Variants in PRKN observed in about 807,000 individuals in gnomAD.
The protein encoded by PRKN is E3 ubiquitin-protein ligase parkin.
In PRKN, 56 loss-of-function variants were observed where a neutral mutation model predicts 59.5. The ratio of observed to expected loss-of-function variants is 0.94; its 90% confidence interval spans 0.76 to 1.18. PRKN has a LOEUF of 1.18. PRKN is among the 50% of genes most tolerant of loss of function. The probability of loss-of-function intolerance (pLI) is 0.00; values close to 1 mark genes in which losing one functional copy is unlikely to be tolerated. For synonymous variants in PRKN, 250 were observed against 222.1 expected (o/e 1.13, Z -1.12); for missense variants, 657 against 596.4 (o/e 1.10, Z -1.06).
At chr6:161,603,911 G>A (rs1204245995) in intron 7 of PRKN, among the ~76,000 whole-genome samples, 1 of 152,190 alleles carries the variant, frequency 6.6e-6, no homozygotes, top group African/African-American at 2.4e-5. Context: ...TGTCTCTCAT[G>A]AGTGTCCATG....
At chr6:161,739,444 T>C (rs1032769568) in intron 7 of PRKN, among the ~76,000 whole-genome samples, 3 of 151,990 alleles carry the variant, frequency 2.0e-5, no homozygotes, top group Non-Finnish European at 2.9e-5. Flanking sequence ...AAGCAGGAGA[T>C]GCACTATTTT....
At chr6:162,621,223 C>T (rs1396708104) in intron 1 of PRKN, among the ~76,000 whole-genome samples, 5 of 152,158 alleles carry the variant, frequency 3.3e-5, no homozygotes, top group African/African-American at 9.7e-5. Context: ...TTCCCGGGTT[C>T]TCTGGGTTTG....
At chr6:162,303,970 A>G (rs948617218) in intron 2 of PRKN, among the ~76,000 whole-genome samples, 5 of 152,140 alleles carry the variant, frequency 3.3e-5, no homozygotes, top group African/African-American at 9.7e-5. Context: ...GAAATATGTT[A>G]AAGGTCCAAA....
chr6:161,745,433 A>T (rs1788374493), intron 7 of PRKN, among the ~76,000 whole-genome samples: 1 of 152,142 alleles, frequency 6.6e-6, no homozygotes, highest in African/African-American at 2.4e-5. Flanking sequence ...TAACCAGGCG[A>T]CAAGGAGAGA....
chr6:161,766,556 C>T (rs929916835), intron 7 of PRKN, among the ~76,000 whole-genome samples: 1 of 152,080 alleles, frequency 6.6e-6, no homozygotes, highest in Non-Finnish European at 1.5e-5. Flanking sequence ...GATCCTCCCA[C>T]CTTTTTTGTT....
chr6:161,846,435 T>C (rs1793200754), intron 6 of PRKN, among the ~76,000 whole-genome samples: 1 of 152,128 alleles, frequency 6.6e-6, no homozygotes, highest in Admixed American at 6.5e-5. Context: ...TGCAACAGAT[T>C]TGTTCACTCA....
intron 5 of PRKN, among the ~76,000 whole-genome samples, chr6:162,035,885 A>G (rs779418403): frequency 5.3e-5 from 8 of 152,206 alleles, no homozygotes; most frequent in Admixed American, 1.3e-4. Flanking sequence ...ATTCATAGAA[A>G]CCCTTCACAC....
intron 2 of PRKN, among the ~76,000 whole-genome samples, chr6:162,369,530 T>A (rs1286257187): frequency 6.6e-6 from 1 of 152,200 alleles, no homozygotes; most frequent in African/African-American, 2.4e-5. Context: ...TCCACAAAAA[T>A]ATCAGCCATT....
At position 161,357,339 on chromosome 6, in the gene PRKN, A is replaced by C. The variant is rs1288874349; in HGVS notation, c.1285+2749T>G. 6.6e-6 allele frequency among the ~76,000 whole-genome samples: 1 copy of C among 152,142 alleles called. No homozygotes were observed. The highest frequency in any genetic ancestry group is 1.5e-5 in the Non-Finnish European group (1 of 68,032). ...AGTGCTGGGATTACCGGTGTGAGCC[A>C]CCACTCCCAGCCTCGCTGACCACTT... is the stretch of plus-strand genomic sequence containing the variant. On this transcript the variant is annotated intron_variant, in intron 11 of 11. Coordinates refer to ENST00000366898, the MANE Select transcript of PRKN (RefSeq NM_004562.3). This position sits in a 1 kb window ranked among gnomAD's most constrained non-coding sequence, Gnocchi z 5.5.
chr6:161,865,955 C>A (rs552616302), intron 6 of PRKN, among the ~76,000 whole-genome samples: 4 of 152,202 alleles, frequency 2.6e-5, no homozygotes, highest in Non-Finnish European at 5.9e-5. Context: ...TAAGCTTAAT[C>A]ATCTCTAACT....
chr6:162,243,018 A>C (rs1431716602), intron 3 of PRKN, among the ~76,000 whole-genome samples: 2 of 151,602 alleles, frequency 1.3e-5, no homozygotes, highest in Non-Finnish European at 2.9e-5. Context: ...TTAAAAAAAA[A>C]AAAACATTTA....
chr6:162,054,079 C>T lies in PRKN; in HGVS notation c.618+12G>A. The stretch of plus-strand genomic sequence containing the variant: ...CTTGCAATAAGAGGAATGAATGTGA[C>T]CAGGTACTTACTGCACTAGTCCCAG... On this transcript the variant is annotated intron_variant, in intron 5 of 11. Transcript: ENST00000366898. 1 of 1,557,138 alleles carries T rather than the reference C, an allele frequency of 6.4e-7. No homozygotes were observed. Among genetic ancestry groups the T allele is most frequent in the Non-Finnish European group, 8.9e-7 (1 of 1,127,976 alleles).
At chr6:162,049,589 G>T (rs528045436) in intron 5 of PRKN, among the ~76,000 whole-genome samples, 2 of 152,130 alleles carry the variant, frequency 1.3e-5, no homozygotes, top group South Asian at 4.2e-4. Context: ...GAATATCTTT[G>T]GGTATTTATG....
chr6:162,276,961 T>C (rs1353444545), intron 2 of PRKN, among the ~76,000 whole-genome samples: 4 of 152,048 alleles, frequency 2.6e-5, no homozygotes, highest in Non-Finnish European at 1.5e-5. Flanking sequence ...AAAGAATAGA[T>C]TGATAACAGG....
At chr6:161,734,830 A>G (rs1417888192) in intron 7 of PRKN, among the ~76,000 whole-genome samples, 2 of 152,218 alleles carry the variant, frequency 1.3e-5, no homozygotes, top group East Asian at 3.9e-4. Context: ...ACCAAGTTTC[A>G]TGTGTCCCTT....
chr6:161,954,713 G>T (rs1227728074), intron 6 of PRKN, among the ~76,000 whole-genome samples: 1 of 152,108 alleles, frequency 6.6e-6, no homozygotes, highest in Non-Finnish European at 1.5e-5. Flanking sequence ...AAACCTGATC[G>T]AGGTTTTTGG....
intron 6 of PRKN, among the ~76,000 whole-genome samples, chr6:161,908,666 GAA>G (rs11339006): frequency 1.3e-4 from 19 of 147,772 alleles, no homozygotes; most frequent in African/African-American, 4.2e-4. Flanking sequence ...TCTTTTCAAT[GAA>G]AAAAAAAAAC....
At chr6:161,670,801 C>G (rs538481840) in intron 7 of PRKN, among the ~76,000 whole-genome samples, 1 of 145,214 alleles carries the variant, frequency 6.9e-6, no homozygotes, top group Middle Eastern at 3.2e-3. Context: ...AGCAACAGAG[C>G]GAGACTCTGT....
intron 1 of PRKN, among the ~76,000 whole-genome samples, chr6:162,650,425 C>T (rs1269003589): frequency 6.6e-6 from 1 of 151,508 alleles, no homozygotes; most frequent in Non-Finnish European, 1.5e-5. Flanking sequence ...GGTGAAACCC[C>T]GTCTCTACTA....
Sources: allele counts gnomAD v4.1 joint callset (sites outside exome capture counted in the v4.1 genomes callset), GRCh38; gene constraint gnomAD v4.1.1; non-coding constraint Gnocchi (gnomAD v3.1); transcripts MANE v1.5; gene names NCBI Gene and HGNC (gene_info 2026-07-23, HGNC 2026-07-21).